RUFY3: variants seen among roughly 807,000 people sequenced by gnomAD.
The protein encoded by RUFY3 is protein RUFY3.
RUFY3 carries 34 observed loss-of-function variants against 84.0 expected under a neutral mutation model. The ratio of observed to expected loss-of-function variants is 0.40; its 90% confidence interval spans 0.31 to 0.54. RUFY3 has a LOEUF of 0.54. Ranked by LOEUF, RUFY3 falls within the 20% of genes least tolerant of loss-of-function variation. RUFY3 has a pLI of 0.39. For synonymous variants in RUFY3, 242 were observed against 252.9 expected (o/e 0.96, Z 0.41); for missense variants, 507 against 736.8 (o/e 0.69, Z 3.61).
intron 16 of RUFY3, among the ~76,000 whole-genome samples, chr4:70,803,611 C>T (rs901302616): frequency 2.0e-5 from 3 of 152,022 alleles, no homozygotes; most frequent in African/African-American, 7.2e-5. Flanking sequence ...TAGGTTTCAC[C>T]GTGTTGCCCA....
upstream of RUFY3, among the ~76,000 whole-genome samples, chr4:70,717,105 C>T (rs895648769): frequency 2.0e-5 from 3 of 152,140 alleles, no homozygotes; most frequent in African/African-American, 7.2e-5. Flanking sequence ...TGGTCCATTT[C>T]TCCAGTTGAG....
At chr4:70,787,187 A>AAAAAAAAAAATAT (rs1553920475) in intron 10 of RUFY3, among the ~76,000 whole-genome samples, 5 of 81,474 alleles carry the variant, frequency 6.1e-5, no homozygotes, top group African/African-American at 2.6e-4. Context: ...AAAAAAAAAA[A>AAAAAAAAAAATAT]ATATATATAT....
intron 1 of RUFY3, among the ~76,000 whole-genome samples, chr4:70,747,040 T>G (rs1339830672): frequency 6.6e-6 from 1 of 152,242 alleles, no homozygotes; most frequent in Non-Finnish European, 1.5e-5. Context: ...CAAGATACCC[T>G]TGGGAGAACT....
upstream of RUFY3, among the ~76,000 whole-genome samples, chr4:70,719,901 T>TTGAA (rs542876190): frequency 4.4e-4 from 67 of 152,214 alleles, no homozygotes; most frequent in Middle Eastern, 3.4e-3. Flanking sequence ...TGAATATCTG[T>TTGAA]TGAATGAATG....
upstream of RUFY3, among the ~76,000 whole-genome samples, chr4:70,717,707 A>T (rs555494378): frequency 4.5e-3 from 691 of 151,962 alleles, 3 homozygotes; most frequent in Middle Eastern, 0.014. Flanking sequence ...TAGAAGGAAC[A>T]TGGACTTTGG....
intron 1 of RUFY3, among the ~76,000 whole-genome samples, chr4:70,727,684 G>T (rs1377971826): frequency 6.6e-6 from 1 of 151,136 alleles, no homozygotes; most frequent in Non-Finnish European, 1.5e-5. Flanking sequence ...CTACTCGGGA[G>T]GCTGAGGCAG....
intron 1 of RUFY3, among the ~76,000 whole-genome samples, chr4:70,748,640 G>A (rs1402742440): frequency 1.3e-5 from 2 of 152,162 alleles, no homozygotes; most frequent in Non-Finnish European, 2.9e-5. Context: ...TCATGACAGT[G>A]CAAGCAGCCT....
intron 1 of RUFY3, among the ~76,000 whole-genome samples, chr4:70,713,755 T>G (rs772891158): frequency 5.3e-5 from 8 of 152,212 alleles, no homozygotes; most frequent in Non-Finnish European, 1.2e-4. Flanking sequence ...CTGTCTTTTT[T>G]ATGAACTTAG....
chr4:70,752,007 C>A (rs2148674549), intron 1 of RUFY3, among the ~76,000 whole-genome samples: 1 of 152,290 alleles, frequency 6.6e-6, no homozygotes, highest in Non-Finnish European at 1.5e-5. Flanking sequence ...TCTTGAACTC[C>A]TGACCTCAAG....
At chr4:70,755,955 A>T (rs1364393383) in intron 1 of RUFY3, among the ~76,000 whole-genome samples, 2 of 151,804 alleles carry the variant, frequency 1.3e-5, no homozygotes, top group Non-Finnish European at 2.9e-5. Context: ...TGTCTCGAAA[A>T]AAAAAAAAAG....
At chr4:70,745,844 G>C (rs1722115003) in intron 1 of RUFY3, among the ~76,000 whole-genome samples, 2 of 152,166 alleles carry the variant, frequency 1.3e-5, no homozygotes, top group Non-Finnish European at 1.5e-5. Context: ...CCAGTACTTT[G>C]CGGGGCCGAG....
At chr4:70,708,064 A>G (rs1577875393) in intron 1 of RUFY3, among the ~76,000 whole-genome samples, 1 of 152,368 alleles carries the variant, frequency 6.6e-6, no homozygotes, top group Non-Finnish European at 1.5e-5. Flanking sequence ...TCAGGGCTGC[A>G]GTAAGCTGTG....
chr4:70,704,693 A>C (rs988152293), upstream of RUFY3: 29 of 284,344 alleles, frequency 1.0e-4, no homozygotes, highest in African/African-American at 5.3e-4. Flanking sequence ...GGGCTGGAGG[A>C]GGCGGCCGGT....
intron 8 of RUFY3, among the ~76,000 whole-genome samples, chr4:70,780,114 A>C (rs1728653773): frequency 6.6e-6 from 1 of 152,096 alleles, no homozygotes; most frequent in Admixed American, 6.6e-5. Context: ...GGGTCCTTAG[A>C]ATCTTATCAC....
Position 70,807,663 on chromosome 4 carries a change from C to CTTTTTTT in RUFY3, c.*1015_*1021dup, listed in dbSNP as rs57107005. Among the ~76,000 whole-genome samples, 1 of 126,196 alleles carries CTTTTTTT rather than the reference C, an allele frequency of 7.9e-6. No individual in the cohort carries two copies. The allele number at this position is 126,196 out of a possible 152,430, so 82.8% of individuals were successfully genotyped here. A position where few individuals can be genotyped will look rare whatever the true frequency, so the allele number is the denominator to read the frequency against. The stretch of plus-strand genomic sequence containing the variant: ...TAGCCTCCCAAGTAGCTGGGACTGG[C>CTTTTTTT]TTTTTTTTTTTTTTTTTGGCCGGGG... On this transcript the variant is annotated 3_prime_UTR_variant, in exon 18 of 18. Transcript: ENST00000381006.
At chr4:70,720,906 TG>T (rs1353115085), upstream of RUFY3, among the ~76,000 whole-genome samples, 2 of 150,210 alleles carry the variant, frequency 1.3e-5, no homozygotes, top group Non-Finnish European at 3.0e-5. Context: ...TGTGTGTGTG[TG>T]TGTGTGTGTG....
intron 1 of RUFY3, among the ~76,000 whole-genome samples, chr4:70,737,210 T>C (rs946937126): frequency 1.6e-4 from 24 of 152,182 alleles, no homozygotes; most frequent in African/African-American, 5.6e-4. Flanking sequence ...GTTCAGCAGC[T>C]GAAAACCTCA....
intron 4 of RUFY3, 54 bp downstream of exon 4, chr4:70,764,630 A>C: frequency 9.6e-7 from 1 of 1,046,276 alleles, no homozygotes; most frequent in Non-Finnish European, 1.4e-6. Flanking sequence ...TACATCGTAT[A>C]AAGTCAAACC....
intron 1 of RUFY3, among the ~76,000 whole-genome samples, chr4:70,747,207 G>C (rs796711273): frequency 6.6e-6 from 1 of 152,282 alleles, no homozygotes; most frequent in African/African-American, 2.4e-5. Flanking sequence ...CCACAGACCA[G>C]CTTTAGAGCT....
Sources: gnomAD v4.1 joint callset for allele counts (sites outside exome capture counted in the v4.1 genomes callset) on GRCh38, gnomAD v4.1.1 for gene constraint, MANE v1.5 for transcripts, NCBI Gene and HGNC (gene_info 2026-07-23, HGNC 2026-07-21) for gene names.